Variants in SESTD1 observed in about 807,000 individuals in gnomAD.
SESTD1 encodes SEC14 and spectrin domain containing 1, also known as SEC14 domain and spectrin repeat-containing protein 1.
Under a neutral mutation model 101.7 loss-of-function variants are expected in SESTD1, and 43 were observed. The observed-to-expected ratio is 0.42, with a 90% confidence interval of 0.33 to 0.55. SESTD1 has a LOEUF of 0.55. SESTD1 is among the 20% of genes least tolerant of loss of function. The pLI is 0.07. For missense variants in SESTD1, 647 were observed against 815.1 expected (o/e 0.79, Z 2.51); for synonymous variants, 283 against 286.8 (o/e 0.99, Z 0.13).
Position 179,109,746 on chromosome 2 carries a change from G to T in SESTD1, c.*153C>A. On this transcript the variant is annotated 3_prime_UTR_variant, in exon 18 of 18. Transcript: ENST00000428443. ...GTTAAGTAATTATGCCTTGGTAGTA[G>T]CAAGGTGTTAACATGTAAAGAGAAA... 5.7e-6 allele frequency: 5 copies of T among 872,000 alleles called. No individual in the cohort carries two copies. Among genetic ancestry groups the T allele is most frequent in the Non-Finnish European group, 8.6e-6 (5 of 584,612 alleles). The allele number at this position is 872,000 out of a possible 1,614,324, so 54.0% of individuals were successfully genotyped here. A position where few individuals can be genotyped will look rare whatever the true frequency, so the allele number is the denominator to read the frequency against.
intron 10 of SESTD1, among the ~76,000 whole-genome samples, chr2:179,129,370 T>G (rs930620): frequency 0.092 from 14,042 of 152,236 alleles, 2,141 homozygotes; most frequent in African/African-American, 0.32. Context: ...TATAACCATT[T>G]TCATGTACCT....
rs2045387582 is a variant in SESTD1 at position 179,146,029 on chromosome 2, G to C, written c.637+373C>G. Among the ~76,000 whole-genome samples, 6 of 144,756 alleles carry C rather than the reference G, an allele frequency of 4.1e-5. No homozygotes were observed. The South Asian group carries it at 9.3e-4, about 23-fold the overall frequency. The allele number at this position is 144,756 out of a possible 152,430, so 95.0% of individuals were successfully genotyped here. On this transcript the variant is annotated intron_variant, in intron 8 of 17. Coordinates refer to ENST00000428443, the MANE Select transcript of SESTD1 (RefSeq NM_178123.5). ...CCCCCCACCCCCACCCTGGGCCACAGAGCAGGAGGTGAGCGGCAGGCCAGC... is the reference window on the plus strand; with the variant it reads ...CCCCCCACCCCCACCCTGGGCCACACAGCAGGAGGTGAGCGGCAGGCCAGC...
At chr2:179,256,992 G>C (rs1266306469) in intron 1 of SESTD1, among the ~76,000 whole-genome samples, 1 of 151,996 alleles carries the variant, frequency 6.6e-6, no homozygotes, top group East Asian at 1.9e-4. Flanking sequence ...GGTTTGAGAG[G>C]ACTGACTCAA....
intron 4 of SESTD1, 70 bp from the exon 5 acceptor site, chr2:179,172,303 CCA>C: frequency 9.5e-7 from 1 of 1,052,840 alleles, no homozygotes; most frequent in East Asian, 2.6e-5. Context: ...TTATAAATTA[CCA>C]GACAGTCAAG....
Position 179,213,588 on chromosome 2 carries a change from CAGA to C in SESTD1, c.-25-21725_-25-21723del, listed in dbSNP as rs1174152721. Among the ~76,000 whole-genome samples, 20 of 135,046 alleles carry C rather than the reference CAGA, an allele frequency of 1.5e-4. 7 individuals carry two copies. The highest frequency in any genetic ancestry group is 5.9e-4 in the African/African-American group (20 of 34,184). The allele number at this position is 135,046 out of a possible 152,430, so 88.6% of individuals were successfully genotyped here. A position where few individuals can be genotyped will look rare whatever the true frequency, so the allele number is the denominator to read the frequency against. ...GGAAAACACTCTTCAGGATATTATC[CAGA>C]AGAACTTCCCCAACCTGGCAAGGAG... On this transcript the variant is annotated intron_variant, in intron 1 of 17. Coordinates refer to ENST00000428443, the MANE Select transcript of SESTD1 (RefSeq NM_178123.5).
intron 5 of SESTD1, among the ~76,000 whole-genome samples, chr2:179,155,265 T>C (rs2045607023): frequency 6.6e-6 from 1 of 152,046 alleles, no homozygotes; most frequent in Non-Finnish European, 1.5e-5. Flanking sequence ...CTAGGGAAAT[T>C]AAACACAATC....
intron 1 of SESTD1, among the ~76,000 whole-genome samples, chr2:179,224,572 C>A (rs916846526): frequency 6.6e-6 from 1 of 152,114 alleles, no homozygotes; most frequent in African/African-American, 2.4e-5. Context: ...GGATGGGGGC[C>A]GGTTGCCAGG....
chr2:179,230,643 C>T (rs1022387803), intron 1 of SESTD1, among the ~76,000 whole-genome samples: 16 of 151,166 alleles, frequency 1.1e-4, no homozygotes, highest in Admixed American at 3.3e-4. Flanking sequence ...TGAGATAACG[C>T]GGTAAAAAAA....
chr2:179,225,583 AC>A (rs1283545950), intron 1 of SESTD1, among the ~76,000 whole-genome samples: 1 of 152,186 alleles, frequency 6.6e-6, no homozygotes, highest in African/African-American at 2.4e-5. Flanking sequence ...TTTACTTCTC[AC>A]AATTCTGGAA....
chr2:179,229,506 C>T (rs895061748), intron 1 of SESTD1, among the ~76,000 whole-genome samples: 2 of 151,732 alleles, frequency 1.3e-5, no homozygotes, highest in Non-Finnish European at 2.9e-5. Context: ...GAGCCAGTTT[C>T]TTACAAAAAA....
intron 2 of SESTD1, among the ~76,000 whole-genome samples, chr2:179,185,670 AATATAGCATATTATATATAATATAG>A (rs2046208948): frequency 1.3e-5 from 1 of 74,572 alleles, no homozygotes; most frequent in Non-Finnish European, 2.9e-5. Context: ...TACAATATAT[AATATAGCATATTATATATAATATAG>A]TATATTATAT....
At chr2:179,140,912 T>C (rs996266449) in intron 9 of SESTD1, among the ~76,000 whole-genome samples, 4 of 152,186 alleles carry the variant, frequency 2.6e-5, no homozygotes, top group Admixed American at 2.6e-4. Flanking sequence ...CACTTTCTCA[T>C]CTCTGGCCAG....
rs561604012 is a variant in SESTD1 at position 179,108,804 on chromosome 2, A to G, written c.*1095T>C. 4 of 152,232 alleles carry G rather than the reference A, an allele frequency of 2.6e-5. No individual in the cohort carries two copies. Among genetic ancestry groups the G allele is most frequent in the African/African-American group, 9.6e-5 (4 of 41,564 alleles). The allele number at this position is 152,232 out of a possible 1,614,324, so 9.4% of individuals were successfully genotyped here. A position where few individuals can be genotyped will look rare whatever the true frequency, so the allele number is the denominator to read the frequency against. ...TTAATACAAACTTAAAAGAACTAGC[A>G]TTTCATGATAAATTTTATTTCTAAA... On this transcript the variant is annotated 3_prime_UTR_variant, in exon 18 of 18. Transcript: ENST00000428443.
intron 2 of SESTD1, among the ~76,000 whole-genome samples, chr2:179,187,414 C>G (rs2046250396): frequency 6.6e-6 from 1 of 152,118 alleles, no homozygotes; most frequent in South Asian, 2.1e-4. Context: ...CACTTGAGCC[C>G]AGGAGTTTGA....
At chr2:179,200,615 C>T (rs1238614854) in intron 1 of SESTD1, among the ~76,000 whole-genome samples, 1 of 151,978 alleles carries the variant, frequency 6.6e-6, no homozygotes, top group South Asian at 2.1e-4. Context: ...AGAAATAACG[C>T]TGGATATCTA....
At position 179,258,608 on chromosome 2, in the gene SESTD1, T is replaced by C. The variant is rs933646186; in HGVS notation, c.-26+5891A>G. Among the ~76,000 whole-genome samples, 4 of 152,222 alleles carry C rather than the reference T, an allele frequency of 2.6e-5. No homozygotes were observed. The East Asian group carries it at 5.8e-4, about 22-fold the overall frequency. ...AACGCAGATTACTTCTTTCCAAGAATGTGCAGTTTCTGCATATGCCAAGCT... is the reference window on the plus strand; with the variant it reads ...AACGCAGATTACTTCTTTCCAAGAACGTGCAGTTTCTGCATATGCCAAGCT... On this transcript the variant is annotated intron_variant, in intron 1 of 17. Coordinates refer to ENST00000428443, the MANE Select transcript of SESTD1 (RefSeq NM_178123.5).
intron 5 of SESTD1, among the ~76,000 whole-genome samples, chr2:179,156,524 A>G (rs139059777): frequency 6.6e-6 from 1 of 152,174 alleles, no homozygotes; most frequent in African/African-American, 2.4e-5. Context: ...TTCTTGCAGG[A>G]GTTAAGGTGG....
rs549363428 is a variant in SESTD1, at chr2:179,142,224, C to T, written c.849+1368G>A. ...AAGCAGCCACAGCTGCAAGAAAGAC[C>T]GTATGGTCCACAAAGTCTAAATGTC... On this transcript the variant is annotated intron_variant, in intron 9 of 17. Coordinates refer to ENST00000428443, the MANE Select transcript of SESTD1 (RefSeq NM_178123.5). 6.3e-4 allele frequency among the ~76,000 whole-genome samples: 96 copies of T among 152,278 alleles called. No homozygotes were observed. In the South Asian group the frequency reaches 6.8e-3, roughly 11 times the overall value.
intron 12 of SESTD1, among the ~76,000 whole-genome samples, chr2:179,122,245 A>G (rs1442690916): frequency 6.6e-6 from 1 of 151,902 alleles, no homozygotes; most frequent in African/African-American, 2.4e-5. Flanking sequence ...TCCTATTTCT[A>G]ATAGAAAACA....
Sources: allele counts gnomAD v4.1 joint callset (sites outside exome capture counted in the v4.1 genomes callset), GRCh38; gene constraint gnomAD v4.1.1; transcripts MANE v1.5; gene names NCBI Gene and HGNC (gene_info 2026-07-23, HGNC 2026-07-21).